RALYL: variants seen among roughly 807,000 people sequenced by gnomAD.
The protein encoded by RALYL is RALY RNA binding protein like.
RALYL carries 29 observed loss-of-function variants against 35.1 expected under a neutral mutation model. The observed-to-expected ratio is 0.83, with a 90% confidence interval of 0.61 to 1.13. The LOEUF (loss-of-function observed/expected upper bound fraction) is 1.13, where lower values mean the gene tolerates loss of function less well. Ranked by LOEUF, RALYL falls within the 50% of genes most tolerant of loss-of-function variation. The pLI, the probability that RALYL is intolerant of heterozygous loss-of-function variation, is 0.00. For missense variants in RALYL, 359 were observed against 360.4 expected, an observed-to-expected ratio of 1.00 and a Z score of 0.03; for synonymous variants, 120 against 127.6, an observed-to-expected ratio of 0.94 and a Z score of 0.40.
intron 2 of RALYL, among the ~76,000 whole-genome samples, chr8:84,635,751 C>T (rs377026798): frequency 5.9e-5 from 9 of 151,720 alleles, no homozygotes; most frequent in East Asian, 3.9e-4. Flanking sequence ...ATGTAACATA[C>T]GGCTCTTAGC....
chr8:84,679,793 GA>G, intron 2 of RALYL: 1 of 493,704 alleles, frequency 2.0e-6, no homozygotes, highest in Non-Finnish European at 4.0e-6. Context: ...AAATTGGATA[GA>G]AAGATTGAAT....
At chr8:84,886,636 A>C (rs1168957718) in intron 7 of RALYL, among the ~76,000 whole-genome samples, 1 of 152,196 alleles carries the variant, frequency 6.6e-6, no homozygotes, top group Non-Finnish European at 1.5e-5. Context: ...AATTTATCGG[A>C]TACCCAACAT....
intron 2 of RALYL, among the ~76,000 whole-genome samples, chr8:84,766,796 C>A (rs1238263672): frequency 1.4e-5 from 2 of 147,648 alleles, no homozygotes; most frequent in East Asian, 4.0e-4. Context: ...AATGTGTTGG[C>A]AACATGTGTT....
At chr8:84,598,760 A>G (rs1031357446) in intron 2 of RALYL, among the ~76,000 whole-genome samples, 1 of 152,178 alleles carries the variant, frequency 6.6e-6, no homozygotes, top group Non-Finnish European at 1.5e-5. Context: ...AATCTTTTCT[A>G]CTATGAATAA....
intron 2 of RALYL, among the ~76,000 whole-genome samples, chr8:84,768,794 C>A (rs1202391024): frequency 6.6e-6 from 1 of 152,188 alleles, no homozygotes; most frequent in Non-Finnish European, 1.5e-5. Context: ...GAAAATTCTG[C>A]ATTTGAACAC....
At chr8:84,468,113 T>C (rs1415153772) in intron 1 of RALYL, among the ~76,000 whole-genome samples, 4 of 151,864 alleles carry the variant, frequency 2.6e-5, no homozygotes, top group African/African-American at 9.7e-5. Flanking sequence ...CCAGTCTGTG[T>C]CTTTTAATTG....
chr8:84,348,512 A>C (rs1850267174), intron 1 of RALYL, among the ~76,000 whole-genome samples: 1 of 152,132 alleles, frequency 6.6e-6, no homozygotes, highest in Non-Finnish European at 1.5e-5. Context: ...TATTTTACCC[A>C]GCCAGTTGTC....
chr8:84,260,852 A>C (rs1038975267), intron 1 of RALYL, among the ~76,000 whole-genome samples: 12 of 152,134 alleles, frequency 7.9e-5, no homozygotes, highest in African/African-American at 2.7e-4. Flanking sequence ...GCCCTAAAAC[A>C]CCAAATTTCT....
chr8:84,540,822 T>A (rs2059970597), intron 2 of RALYL, among the ~76,000 whole-genome samples: 1 of 152,026 alleles, frequency 6.6e-6, no homozygotes, highest in South Asian at 2.1e-4. Flanking sequence ...TTAATACAGA[T>A]CTAATTGCCT....
intron 1 of RALYL, among the ~76,000 whole-genome samples, chr8:84,208,595 C>G (rs1282318642): frequency 6.6e-6 from 1 of 152,064 alleles, no homozygotes; most frequent in East Asian, 1.9e-4. Context: ...GGCAGGTGAC[C>G]TGCCTATAAT....
rs181778743 is a variant in RALYL, at chr8:84,596,937, C to G, written c.256+67360C>G. ...AAAGGGGGAGGCTGGTAGAGTCTCT[C>G]TGTTACTTAAAGAAGCAGGATGAGG... On this transcript the variant is annotated intron_variant, in intron 2 of 8. Coordinates refer to ENST00000521268, the MANE Select transcript of RALYL (RefSeq NM_173848.7). 1.7e-4 allele frequency among the ~76,000 whole-genome samples: 26 copies of G among 152,040 alleles called. No individual in the cohort carries two copies. In the East Asian group the frequency reaches 4.9e-3, roughly 28 times the overall value.
chr8:84,245,861 CA>C (rs1828974110), intron 1 of RALYL, among the ~76,000 whole-genome samples: 2 of 151,982 alleles, frequency 1.3e-5, no homozygotes, highest in African/African-American at 4.8e-5. Flanking sequence ...ACCCTCACTA[CA>C]AAGAAGAACC....
chr8:84,589,167 G>C (rs1429153884), intron 2 of RALYL, among the ~76,000 whole-genome samples: 1 of 152,140 alleles, frequency 6.6e-6, no homozygotes, highest in Non-Finnish European at 1.5e-5. Context: ...CAAAGCGCCG[G>C]GATTACAGGT....
chr8:84,659,157 A>G (rs1472325111), intron 2 of RALYL, among the ~76,000 whole-genome samples: 2 of 152,176 alleles, frequency 1.3e-5, no homozygotes, highest in East Asian at 1.9e-4. Flanking sequence ...TCTCCAGGAA[A>G]CAGACACTGA....
At chr8:84,757,700 A>G (rs1811758311) in intron 2 of RALYL, among the ~76,000 whole-genome samples, 1 of 152,158 alleles carries the variant, frequency 6.6e-6, no homozygotes, top group African/African-American at 2.4e-5. Flanking sequence ...GTTAGCCAAA[A>G]CAAATTAAAC....
chr8:84,652,710 T>C (rs1209257761), intron 2 of RALYL, among the ~76,000 whole-genome samples: 1 of 152,050 alleles, frequency 6.6e-6, no homozygotes, highest in Non-Finnish European at 1.5e-5. Flanking sequence ...GGTAAGGCTA[T>C]GATTCAATTC....
At chr8:84,510,754 G>A (rs1244701966) in intron 1 of RALYL, among the ~76,000 whole-genome samples, 1 of 151,676 alleles carries the variant, frequency 6.6e-6, no homozygotes, top group African/African-American at 2.4e-5. Context: ...AGGTTGCGGT[G>A]AGCTGAGATC....
At chr8:84,878,477 T>C (rs1841598071) in intron 7 of RALYL, among the ~76,000 whole-genome samples, 2 of 152,040 alleles carry the variant, frequency 1.3e-5, no homozygotes, top group South Asian at 4.2e-4. Flanking sequence ...CAGTCAATAT[T>C]TTAATGCCCT....
intron 1 of RALYL, among the ~76,000 whole-genome samples, chr8:84,527,534 A>G (rs1445011885): frequency 6.6e-6 from 1 of 152,246 alleles, no homozygotes; most frequent in Non-Finnish European, 1.5e-5. Flanking sequence ...ACATGAGATC[A>G]CAAACAAAGT....
Sources: gnomAD v4.1 joint callset for allele counts (sites outside exome capture counted in the v4.1 genomes callset) on GRCh38, gnomAD v4.1.1 for gene constraint, MANE v1.5 for transcripts, NCBI Gene and HGNC (gene_info 2026-07-23, HGNC 2026-07-21) for gene names.